The following TNIP3 variants were observed in gnomAD, a reference collection of about 807,000 sequenced individuals.
The protein encoded by TNIP3 is TNFAIP3-interacting protein 3.
TNIP3 carries 34 observed loss-of-function variants against 54.1 expected under a neutral mutation model. That is an observed-to-expected ratio of 0.63 (90% CI 0.48 to 0.84). TNIP3 has a LOEUF of 0.84. Ranked by LOEUF, TNIP3 falls within the 40% of genes least tolerant of loss-of-function variation. TNIP3 has a pLI of 0.00. For synonymous variants in TNIP3, 134 were observed against 136.8 expected (o/e 0.98, Z 0.14); for missense variants, 366 against 387.6 (o/e 0.94, Z 0.47).
chr4:121,181,208 T>C (rs1724678886), intron 3 of TNIP3, among the ~76,000 whole-genome samples: 1 of 152,002 alleles, frequency 6.6e-6, no homozygotes, highest in Non-Finnish European at 1.5e-5. Context: ...AGCAAATAGG[T>C]CTTAGAAGAT....
chr4:121,164,434 T>C, upstream of TNIP3: 4 of 807,598 alleles, frequency 5.0e-6, no homozygotes, highest in Non-Finnish European at 4.8e-6. Context: ...AGATTAGCCT[T>C]GCTATAGTAT....
intron 5 of TNIP3, among the ~76,000 whole-genome samples, chr4:121,154,060 CTTTAAAGTAGG>C (rs1268726531): frequency 6.6e-6 from 1 of 152,144 alleles, no homozygotes; most frequent in Admixed American, 6.5e-5. Context: ...CTCTCTCTGA[CTTTAAAGTAGG>C]TTTAAAGTAG....
chr4:121,134,034 C>A (rs1728633972), intron 10 of TNIP3, among the ~76,000 whole-genome samples: 2 of 152,132 alleles, frequency 1.3e-5, no homozygotes, highest in South Asian at 4.1e-4. Flanking sequence ...AGCCACCCAG[C>A]TTGTGGTATT....
intron 3 of TNIP3, among the ~76,000 whole-genome samples, chr4:121,172,825 G>A (rs1724047628): frequency 6.6e-6 from 1 of 152,306 alleles, no homozygotes; most frequent in African/African-American, 2.4e-5. Flanking sequence ...ATTTTCTGCG[G>A]TCAATTAGAT....
At position 121,132,685 on chromosome 4, in the gene TNIP3, G is replaced by C. The variant is rs1158471690; in HGVS notation, c.947-23C>G. The C allele has an allele frequency of 6.9e-6, 11 of 1,596,760 alleles. No homozygotes were observed. In the South Asian group the frequency reaches 8.8e-5, roughly 13 times the overall value. ...AACCTATGGAAAACAGTAGGAAAAT[G>C]TTTTAGATTAAAAATTAACATTTCA... On this transcript the variant is annotated intron_variant, in intron 10 of 10. Transcript: ENST00000057513.
intron 4 of TNIP3, among the ~76,000 whole-genome samples, chr4:121,154,919 T>G (rs1179760824): frequency 6.6e-6 from 1 of 151,794 alleles, no homozygotes; most frequent in African/African-American, 2.4e-5. Context: ...TGAAGTATCT[T>G]AGAAATTTTG....
rs1260358666 is a variant in TNIP3 at position 121,154,552 on chromosome 4, T to C, written c.491A>G (p.Lys164Arg). ...HYECEIKRLN[K>R]ALQDALNIKC... ...TCCCATGCTTGACCTGACTGATACCTTATTGAGGCGTTTTATTTCACATTC... is the reference window on the plus strand; with the variant it reads ...TCCCATGCTTGACCTGACTGATACCCTATTGAGGCGTTTTATTTCACATTC... The change falls in exon 5 of 11, where the codon AAG becomes AGG. Residue 164 changes from lysine to arginine, a missense_variant and splice_region_variant. Transcript: ENST00000057513. 1 of 1,613,550 alleles carries C rather than the reference T, an allele frequency of 6.2e-7. No individual in the cohort carries two copies. Among genetic ancestry groups the C allele is most frequent in the African/African-American group, 1.3e-5 (1 of 74,914 alleles).
intron 1 of TNIP3, among the ~76,000 whole-genome samples, chr4:121,222,425 C>G (rs1195330835): frequency 1.3e-5 from 2 of 152,116 alleles, no homozygotes; most frequent in Non-Finnish European, 2.9e-5. Flanking sequence ...AAATCTGTCT[C>G]TCACGTTTAA....
chr4:121,194,624 T>C (rs889493932), intron 2 of TNIP3, among the ~76,000 whole-genome samples: 1 of 152,054 alleles, frequency 6.6e-6, no homozygotes, highest in Non-Finnish European at 1.5e-5. Context: ...TTCTAGAAAA[T>C]GAAATGAAAT....
intron 2 of TNIP3, among the ~76,000 whole-genome samples, chr4:121,214,024 T>C (rs535362417): frequency 2.0e-5 from 3 of 152,310 alleles, no homozygotes; most frequent in East Asian, 3.9e-4. Context: ...AAAGGAAACC[T>C]GGTGTGGCAA....
chr4:121,181,193 T>C (rs1375852134), intron 3 of TNIP3, among the ~76,000 whole-genome samples: 1 of 152,148 alleles, frequency 6.6e-6, no homozygotes, highest in Non-Finnish European at 1.5e-5. Flanking sequence ...AGAAGGTCAG[T>C]CATGAGCAAA....
At chr4:121,218,610 G>A (rs185763949), upstream of TNIP3, among the ~76,000 whole-genome samples, 51 of 132,306 alleles carry the variant, frequency 3.9e-4, no homozygotes, top group Admixed American at 5.2e-4. Flanking sequence ...CCTTCTCCCC[G>A]TCCCTCTTCT....
chr4:121,184,964 C>G (rs1724930221), intron 2 of TNIP3, among the ~76,000 whole-genome samples: 1 of 152,158 alleles, frequency 6.6e-6, no homozygotes, highest in Non-Finnish European at 1.5e-5. Context: ...CAAGTAGCAA[C>G]AGAATTGGAC....
At chr4:121,161,811 G>A (rs898951078) in intron 1 of TNIP3, among the ~76,000 whole-genome samples, 3 of 151,344 alleles carry the variant, frequency 2.0e-5, no homozygotes, top group Non-Finnish European at 4.4e-5. Flanking sequence ...ATAAATTACT[G>A]GCATAATGAA....
At chr4:121,207,192 C>T (rs1726237757) in intron 2 of TNIP3, among the ~76,000 whole-genome samples, 1 of 151,938 alleles carries the variant, frequency 6.6e-6, no homozygotes, top group African/African-American at 2.4e-5. Flanking sequence ...AGGAAGGAAG[C>T]CTGAATATTC....
At chr4:121,210,498 T>G (rs1468474220) in intron 2 of TNIP3, among the ~76,000 whole-genome samples, 1 of 152,184 alleles carries the variant, frequency 6.6e-6, no homozygotes, top group Non-Finnish European at 1.5e-5. Context: ...AAATCCTTAT[T>G]AAGTACCAGT....
chr4:121,156,466 G>A (rs114753583), intron 4 of TNIP3, among the ~76,000 whole-genome samples: 204 of 152,270 alleles, frequency 1.3e-3, no homozygotes, highest in Middle Eastern at 6.8e-3. Flanking sequence ...TTAGAATCTG[G>A]AGGTTGGGTT....
chr4:121,199,849 A>G (rs751790767), intron 2 of TNIP3, among the ~76,000 whole-genome samples: 6 of 152,228 alleles, frequency 3.9e-5, no homozygotes, highest in Non-Finnish European at 8.8e-5. Context: ...ACGGTTGTGT[A>G]GGTTGCTGTG....
intron 1 of TNIP3, among the ~76,000 whole-genome samples, chr4:121,222,407 G>T (rs369067572): frequency 6.6e-6 from 1 of 152,170 alleles, no homozygotes; most frequent in Non-Finnish European, 1.5e-5. Flanking sequence ...GTCAAAAGAT[G>T]TGTATTCAAA....
Sources: allele counts gnomAD v4.1 joint callset (sites outside exome capture counted in the v4.1 genomes callset), GRCh38; gene constraint gnomAD v4.1.1; transcripts MANE v1.5; gene names NCBI Gene and HGNC (gene_info 2026-07-23, HGNC 2026-07-21).